Variants in MROH2B observed in about 807,000 individuals in gnomAD.
MROH2B encodes maestro heat-like repeat-containing protein family member 2B.
MROH2B carries 177 observed loss-of-function variants against 208.6 expected under a neutral mutation model. The ratio of observed to expected loss-of-function variants is 0.85; its 90% CI spans 0.75 to 0.96. The LOEUF is 0.96. MROH2B is among the 40% of genes least tolerant of loss of function. MROH2B has a pLI of 0.00. For missense variants in MROH2B, 2,002 were observed against 1,878.7 expected (o/e 1.07, Z -1.21); for synonymous variants, 728 against 659.0 (o/e 1.10, Z -1.60).
intron 11 of MROH2B, among the ~76,000 whole-genome samples, chr5:41,053,989 T>TC (rs1170721736): frequency 2.0e-5 from 3 of 152,200 alleles, no homozygotes; most frequent in Admixed American, 6.5e-5. Context: ...GAACACCTTT[T>TC]TTTTTTTAAA....
At position 41,066,323 on chromosome 5, in the gene MROH2B, AT is replaced by A. The variant is rs1743814012; in HGVS notation, c.201+784del. ...GATAAGATATTAAAAATATATACTC[AT>A]AAAACCATCAGCAAACTCACAATAT... On this transcript the variant is annotated intron_variant, in intron 3 of 41. Transcript: ENST00000399564. Among the ~76,000 whole-genome samples, 5 of 152,204 alleles carry A rather than the reference AT, an allele frequency of 3.3e-5. No individual in the cohort carries two copies. The South Asian group carries it at 1.0e-3, about 31-fold the overall frequency.
In MROH2B at chr5:41,030,256, A is replaced by T. The variant is rs532253497; in HGVS notation, c.2441+2486T>A. ...TTAGGATAATGCAAATCAAAACCAC[A>T]AGAAAATACCACCTCACACCCATTA... is the stretch of plus-strand genomic sequence containing the variant. On this transcript the variant is annotated intron_variant, in intron 24 of 41. Coordinates refer to ENST00000399564, the MANE Select transcript of MROH2B (RefSeq NM_173489.5). Among the ~76,000 whole-genome samples, 8 of 152,190 alleles carry T rather than the reference A, an allele frequency of 5.3e-5. No individual in the cohort carries two copies. The East Asian group carries it at 1.5e-3, about 29-fold the overall frequency.
At chr5:41,064,817 G>A (rs1005076090) in intron 4 of MROH2B, among the ~76,000 whole-genome samples, 9 of 152,254 alleles carry the variant, frequency 5.9e-5, no homozygotes, top group Non-Finnish European at 7.4e-5. Flanking sequence ...CTTGTTAAGT[G>A]GCAGTCGCTT....
chr5:41,060,886 G>T (rs1743617734), intron 6 of MROH2B, among the ~76,000 whole-genome samples: 1 of 152,168 alleles, frequency 6.6e-6, no homozygotes, highest in Admixed American at 6.5e-5. Flanking sequence ...GTGTTGAAAA[G>T]AAACTAAACT....
chr5:41,039,984 G>T (rs1484608034), intron 19 of MROH2B, among the ~76,000 whole-genome samples: 2 of 152,136 alleles, frequency 1.3e-5, no homozygotes, highest in East Asian at 1.9e-4. Flanking sequence ...CAGAGAGAAG[G>T]TAAGTGCAAA....
At chr5:41,023,996 TCAC>T (rs1284621747) in intron 24 of MROH2B, among the ~76,000 whole-genome samples, 1 of 152,178 alleles carries the variant, frequency 6.6e-6, no homozygotes, top group Non-Finnish European at 1.5e-5. Flanking sequence ...GAGATTTTTG[TCAC>T]CACCAGGCCT....
At chr5:41,005,065 C>T (rs775320055) in intron 35 of MROH2B, 145 bp from the exon 36 acceptor site, 1 of 1,138,374 alleles carries the variant, frequency 8.8e-7, no homozygotes, top group East Asian at 2.6e-5. Flanking sequence ...AACCAGCAAG[C>T]CTTGCTGAAG....
chr5:41,037,578 G>A (rs1360315525), intron 21 of MROH2B, among the ~76,000 whole-genome samples: 1 of 152,148 alleles, frequency 6.6e-6, no homozygotes, highest in East Asian at 1.9e-4. Context: ...GAGTCCTTAT[G>A]AGTCTATTCT....
In MROH2B at chr5:41,007,451, A is replaced by C. The variant is rs1236428091; in HGVS notation, c.3612T>G (p.Leu1204=). 1.9e-6 allele frequency: 3 copies of C among 1,573,790 alleles called. No individual in the cohort carries two copies. Among genetic ancestry groups the C allele is most frequent in the Non-Finnish European group, 1.7e-6 (2 of 1,161,764 alleles). The change falls in exon 34 of 42, where the codon CTT becomes CTG. Residue 1204 remains leucine, a synonymous_variant. Transcript: ENST00000399564. ...EQQQIPDPCR[L]STATLKCLQA... is the part of the protein sequence containing the mutation. ...GCAAACATTTTAAAGTAGCAGTTGA[A>C]AGCCTAAAGGAGACAGTCAGCATTA...
chr5:41,067,135 A>G lies in MROH2B; in HGVS notation c.174T>C (p.Tyr58=). Reference sequence around the variant, plus strand: ...TGTTGTCTCTCATATCCTTAGAAGCATAATAAATCAATCGTTGGACAATTG... The same window carrying G: ...TGTTGTCTCTCATATCCTTAGAAGCGTAATAAATCAATCGTTGGACAATTG... ...DDAIVQRLIY[Y]ASKDMRDNNM... The change falls in exon 3 of 42, where the codon TAT becomes TAC. Residue 58 remains tyrosine, a synonymous_variant. Coordinates refer to ENST00000399564, the MANE Select transcript of MROH2B (RefSeq NM_173489.5). 6.4e-7 allele frequency: 1 copy of G among 1,553,976 alleles called. No homozygotes were observed.
intron 12 of MROH2B, among the ~76,000 whole-genome samples, chr5:41,052,094 C>CCGAGACA (rs1340410106): frequency 3.3e-5 from 5 of 151,904 alleles, no homozygotes; most frequent in Non-Finnish European, 5.9e-5. Context: ...CGGAAGCAAT[C>CCGAGACA]CAGTCTCTGT....
At chr5:41,062,512 CA>C (rs1387505421) in intron 5 of MROH2B, among the ~76,000 whole-genome samples, 1 of 152,084 alleles carries the variant, frequency 6.6e-6, no homozygotes, top group Non-Finnish European at 1.5e-5. Context: ...TGTTTTACTT[CA>C]ATAAAATTAA....
intron 21 of MROH2B, among the ~76,000 whole-genome samples, chr5:41,035,862 G>GA (rs1218599724): frequency 3.3e-5 from 5 of 152,032 alleles, no homozygotes; most frequent in African/African-American, 9.7e-5. Context: ...AGGCTGGGGA[G>GA]AAAAGGGAAT....
At chr5:41,022,278 G>T (rs111398451) in intron 24 of MROH2B, among the ~76,000 whole-genome samples, 11,551 of 152,196 alleles carry the variant, frequency 0.076, 454 homozygotes, top group East Asian at 0.14. Flanking sequence ...AGCACAAGGG[G>T]TCAGAGAATT....
chr5:41,008,484 C>G (rs1443313377), intron 33 of MROH2B, 122 bp downstream of exon 33: 2 of 1,128,482 alleles, frequency 1.8e-6, no homozygotes, highest in Non-Finnish European at 2.5e-6. Context: ...CCTTGTAGAG[C>G]CTTGTTTCTT....
At chr5:41,042,767 G>A (rs1180826564) in intron 18 of MROH2B, among the ~76,000 whole-genome samples, 2 of 151,956 alleles carry the variant, frequency 1.3e-5, no homozygotes, top group Non-Finnish European at 2.9e-5. Flanking sequence ...ACCATGCCTG[G>A]TTAATTTTTG....
intron 28 of MROH2B, 95 bp downstream of exon 28, chr5:41,017,755 G>T (rs1742003308): frequency 1.5e-6 from 2 of 1,357,230 alleles, no homozygotes; most frequent in South Asian, 3.2e-5. Flanking sequence ...GAGAGGGGAG[G>T]AGGGAGAGAG....
intron 37 of MROH2B, 87 bp from the exon 38 acceptor site, chr5:41,000,920 C>T (rs1741378780): frequency 2.8e-6 from 4 of 1,433,884 alleles, no homozygotes; most frequent in African/African-American, 1.4e-5. Flanking sequence ...CCACCCTTCC[C>T]GCTTCAGCAA....
chr5:41,067,455 C>T (rs928804597), intron 2 of MROH2B, among the ~76,000 whole-genome samples: 3 of 152,074 alleles, frequency 2.0e-5, no homozygotes, highest in African/African-American at 7.2e-5. Flanking sequence ...CAACCTCTGC[C>T]TCCTGGGTTC....
Sources: gnomAD v4.1 joint callset for allele counts (sites outside exome capture counted in the v4.1 genomes callset) on GRCh38, gnomAD v4.1.1 for gene constraint, MANE v1.5 for transcripts, NCBI Gene and HGNC (gene_info 2026-07-23, HGNC 2026-07-21) for gene names.